The following GPR15LG variants were observed in gnomAD, a reference collection of about 807,000 sequenced individuals.
GPR15LG encodes the protein G protein-coupled receptor 15 ligand, also known as protein GPR15LG.
At chr10:84,177,449 T>C in the GPR15LG span, among the ~76,000 whole-genome samples, 1 of 152,240 alleles carries the variant, frequency 6.6e-6, no homozygotes, top group South Asian at 2.1e-4. Context: ...CAGTGCCCAC[T>C]CTCAAGAGGC....
the GPR15LG span, among the ~76,000 whole-genome samples, chr10:84,174,370 G>A: frequency 6.6e-6 from 1 of 152,082 alleles, no homozygotes; most frequent in Admixed American, 6.5e-5. Flanking sequence ...ATATCCATGA[G>A]CAGCTGAAAT....
At chr10:84,176,435 C>G in the GPR15LG span, 1 of 1,392,134 alleles carries the variant, frequency 7.2e-7, no homozygotes, top group Non-Finnish European at 1.0e-6. Flanking sequence ...CACTCACAGA[C>G]AAGCCCACTA....
chr10:84,178,821 G>A, the GPR15LG span, among the ~76,000 whole-genome samples: 3 of 152,302 alleles, frequency 2.0e-5, no homozygotes, highest in Admixed American at 6.5e-5. Flanking sequence ...AAATTCCATT[G>A]TTGAAATTTA....
At chr10:84,184,625 C>T in the GPR15LG span, 5 of 1,574,148 alleles carry the variant, frequency 3.2e-6, no homozygotes, top group Non-Finnish European at 4.4e-6. Flanking sequence ...CAACCTGGCT[C>T]TGACCTCGCC....
At chr10:84,184,159 G>GA in the GPR15LG span, among the ~76,000 whole-genome samples, 4,045 of 138,534 alleles carry the variant, frequency 0.029, 73 homozygotes, top group Non-Finnish European at 0.043. Context: ...CATCTTTCTT[G>GA]AAAAAAAAAA....
the GPR15LG span, among the ~76,000 whole-genome samples, chr10:84,177,534 T>C: frequency 1.3e-5 from 2 of 152,202 alleles, no homozygotes; most frequent in East Asian, 1.9e-4. Flanking sequence ...GGAGCCTCCA[T>C]GCCTTTCCCA....
the GPR15LG span, chr10:84,184,797 G>C: frequency 3.7e-6 from 6 of 1,612,818 alleles, no homozygotes; most frequent in Admixed American, 1.0e-4. Context: ...AGACAGCGGA[G>C]AACCTCATGC....
At chr10:84,183,991 G>A in the GPR15LG span, among the ~76,000 whole-genome samples, 1 of 151,918 alleles carries the variant, frequency 6.6e-6, no homozygotes, top group East Asian at 1.9e-4. Context: ...AGGATATTCA[G>A]ATTGTTTCCA....
the GPR15LG span, among the ~76,000 whole-genome samples, chr10:84,183,821 T>C: frequency 3.3e-5 from 5 of 152,048 alleles, no homozygotes; most frequent in African/African-American, 1.2e-4. Context: ...AATTTTTGTA[T>C]TTTTGGTAGA....
At chr10:84,174,638 G>T in the GPR15LG span, among the ~76,000 whole-genome samples, 1 of 151,734 alleles carries the variant, frequency 6.6e-6, no homozygotes, top group East Asian at 1.9e-4. Context: ...GATTACAGGT[G>T]CCCACCACCA....
At chr10:84,176,014 G>A in the GPR15LG span, among the ~76,000 whole-genome samples, 2 of 151,918 alleles carry the variant, frequency 1.3e-5, no homozygotes, top group African/African-American at 4.8e-5. Flanking sequence ...TCAACCTCCT[G>A]AGTAGCTGGG....
At chr10:84,175,404 T>C in the GPR15LG span, among the ~76,000 whole-genome samples, 1 of 152,252 alleles carries the variant, frequency 6.6e-6, no homozygotes, top group Non-Finnish European at 1.5e-5. Flanking sequence ...TAGCAAACTC[T>C]TGAAGTAGCA....
At chr10:84,182,477 G>A in the GPR15LG span, among the ~76,000 whole-genome samples, 3,681 of 152,198 alleles carry the variant, frequency 0.024, 88 homozygotes, top group Admixed American at 0.058. Context: ...ATCTTGGCTG[G>A]GGTCTCTCAT....
chr10:84,183,031 A>G, the GPR15LG span, among the ~76,000 whole-genome samples: 3 of 152,170 alleles, frequency 2.0e-5, no homozygotes, highest in Middle Eastern at 3.4e-3. Context: ...AATAGAAAAA[A>G]AAAAACAGAA....
chr10:84,184,111 G>A, the GPR15LG span, among the ~76,000 whole-genome samples: 1 of 151,300 alleles, frequency 6.6e-6, no homozygotes, highest in African/African-American at 2.4e-5. Flanking sequence ...CTTGAGGCCA[G>A]GAGTTCGTGA....
At chr10:84,184,491 T>C in the GPR15LG span, among the ~76,000 whole-genome samples, 1 of 152,388 alleles carries the variant, frequency 6.6e-6, no homozygotes, top group East Asian at 1.9e-4. Context: ...GGGCTGGTCT[T>C]GTTTGCCACG....
the GPR15LG span, among the ~76,000 whole-genome samples, chr10:84,183,693 C>A: frequency 2.0e-5 from 3 of 151,864 alleles, no homozygotes; most frequent in South Asian, 6.2e-4. Flanking sequence ...GTCACCCAGG[C>A]TGGAGTGCGG....
At chr10:84,178,372 A>G in the GPR15LG span, among the ~76,000 whole-genome samples, 1 of 151,702 alleles carries the variant, frequency 6.6e-6, no homozygotes, top group African/African-American at 2.4e-5. Context: ...ACACACACGT[A>G]TACCAGACAC....
the GPR15LG span, among the ~76,000 whole-genome samples, chr10:84,178,485 TACAC>T: frequency 6.7e-6 from 1 of 148,368 alleles, no homozygotes; most frequent in Admixed American, 6.7e-5. Context: ...TACACAACTA[TACAC>T]ACAGACACAC....
Sources: allele counts gnomAD v4.1 joint callset (sites outside exome capture counted in the v4.1 genomes callset), GRCh38; gene constraint gnomAD v4.1.1; transcripts MANE v1.5; gene names NCBI Gene and HGNC (gene_info 2026-07-23, HGNC 2026-07-21).